The following PRKAG2 variants were observed in gnomAD, a reference collection of about 807,000 sequenced individuals.
PRKAG2 encodes the protein protein kinase AMP-activated non-catalytic subunit gamma 2.
PRKAG2 carries 26 observed loss-of-function variants against 69.6 expected under a neutral mutation model. The observed-to-expected ratio is 0.37, with a 90% CI of 0.27 to 0.52. The LOEUF (loss-of-function observed/expected upper bound fraction) is 0.52. Among genes scored for constraint, PRKAG2 ranks in the 20% least tolerant of loss-of-function variants. The probability of loss-of-function intolerance (pLI) is 0.90; values close to 1 mark genes in which losing one functional copy is unlikely to be tolerated. For missense variants in PRKAG2, 557 were observed against 740.0 expected (o/e 0.75, Z 2.87); for synonymous variants, 293 against 285.0 (o/e 1.03, Z -0.28).
chr7:151,759,839 G>A (rs745786519), intron 3 of PRKAG2, among the ~76,000 whole-genome samples: 48 of 152,236 alleles, frequency 3.2e-4, no homozygotes, highest in African/African-American at 6.5e-4. Context: ...CTTTTTCTAC[G>A]AGTGAACTCA....
chr7:151,727,215 CA>C (rs57353138), intron 3 of PRKAG2, among the ~76,000 whole-genome samples: 40,875 of 145,440 alleles, frequency 0.28, 5,724 homozygotes, highest in East Asian at 0.43. Flanking sequence ...AACTCAGTCT[CA>C]AAAAAAAAAA....
chr7:151,653,139 C>T (rs1269757328), intron 4 of PRKAG2, among the ~76,000 whole-genome samples: 1 of 148,826 alleles, frequency 6.7e-6, no homozygotes, highest in African/African-American at 2.6e-5. Context: ...GAGCCTAGTA[C>T]AGCTATAATC....
chr7:151,636,021 T>G (rs1209672602), intron 4 of PRKAG2, among the ~76,000 whole-genome samples: 2 of 146,028 alleles, frequency 1.4e-5, no homozygotes, highest in Admixed American at 6.7e-5. Context: ...GCTAATTTTT[T>G]GTATTTTTTT....
chr7:151,808,084 C>T (rs1235170771), intron 1 of PRKAG2, among the ~76,000 whole-genome samples: 6 of 152,158 alleles, frequency 3.9e-5, no homozygotes, highest in Non-Finnish European at 7.4e-5. Flanking sequence ...CCACAGCGGG[C>T]GGGGCTCCCC....
chr7:151,759,482 T>C (rs980261877), intron 3 of PRKAG2, among the ~76,000 whole-genome samples: 1 of 152,200 alleles, frequency 6.6e-6, no homozygotes, highest in Non-Finnish European at 1.5e-5. Context: ...GCCCAGCACT[T>C]AGCAGGTTCT....
chr7:151,619,768 CT>C (rs1390117239), intron 5 of PRKAG2, among the ~76,000 whole-genome samples: 1 of 152,128 alleles, frequency 6.6e-6, no homozygotes, highest in African/African-American at 2.4e-5. Context: ...CTGTGAAATC[CT>C]AGCACTTTGG....
At chr7:151,658,365 A>C (rs1829809352) in intron 4 of PRKAG2, among the ~76,000 whole-genome samples, 1 of 146,898 alleles carries the variant, frequency 6.8e-6, no homozygotes, top group Non-Finnish European at 1.5e-5. Context: ...CGTGCCCGTA[A>C]TCCCAGCTAC....
chr7:151,587,172 C>T (rs1230892189), intron 6 of PRKAG2, among the ~76,000 whole-genome samples: 1 of 152,198 alleles, frequency 6.6e-6, no homozygotes, highest in African/African-American at 2.4e-5. Flanking sequence ...CAAACAGCCA[C>T]TTATTTGGAT....
At chr7:151,796,963 C>G (rs556178833) in intron 1 of PRKAG2, among the ~76,000 whole-genome samples, 2 of 152,112 alleles carry the variant, frequency 1.3e-5, no homozygotes, top group Non-Finnish European at 2.9e-5. Flanking sequence ...TTTATTGGCT[C>G]GCAAATAAAA....
At chr7:151,669,123 A>G (rs963375258) in intron 4 of PRKAG2, among the ~76,000 whole-genome samples, 1 of 151,926 alleles carries the variant, frequency 6.6e-6, no homozygotes, top group African/African-American at 2.4e-5. Flanking sequence ...TTTCTCTCCA[A>G]TCTTTAATTT....
chr7:151,821,357 T>C (rs1036806395), intron 1 of PRKAG2, among the ~76,000 whole-genome samples: 2 of 152,176 alleles, frequency 1.3e-5, no homozygotes, highest in African/African-American at 4.8e-5. Flanking sequence ...CAACTCGATC[T>C]TTCTTTTAAG....
intron 1 of PRKAG2, among the ~76,000 whole-genome samples, chr7:151,875,497 C>A (rs1348029860): frequency 1.3e-5 from 2 of 152,088 alleles, no homozygotes; most frequent in African/African-American, 4.8e-5. Flanking sequence ...GTCCGGACAG[C>A]CCATTCACTG....
intron 1 of PRKAG2, among the ~76,000 whole-genome samples, chr7:151,860,850 C>G (rs1040973409): frequency 1.3e-5 from 2 of 152,154 alleles, no homozygotes; most frequent in Non-Finnish European, 2.9e-5. Flanking sequence ...ATGCCATGAC[C>G]CTACTGGGGT....
At chr7:151,873,600 C>A (rs1039934740) in intron 1 of PRKAG2, among the ~76,000 whole-genome samples, 1 of 152,176 alleles carries the variant, frequency 6.6e-6, no homozygotes, top group African/African-American at 2.4e-5. Flanking sequence ...CACGTGGTCA[C>A]CCTCAGCCAC....
intron 5 of PRKAG2, among the ~76,000 whole-genome samples, chr7:151,624,167 T>C (rs879462444): frequency 5.0e-5 from 7 of 140,314 alleles, no homozygotes; most frequent in Non-Finnish European, 1.1e-4. Context: ...TGTGTGTGTG[T>C]ACATATATAT....
At chr7:151,806,252 TG>T (rs1289110808) in intron 1 of PRKAG2, among the ~76,000 whole-genome samples, 1 of 152,216 alleles carries the variant, frequency 6.6e-6, no homozygotes, top group African/African-American at 2.4e-5. Flanking sequence ...TCAAGCCTTT[TG>T]GGGTGCTCTT....
At chr7:151,572,206 G>A (rs1807736218) in intron 9 of PRKAG2, among the ~76,000 whole-genome samples, 1 of 152,124 alleles carries the variant, frequency 6.6e-6, no homozygotes, top group Admixed American at 6.5e-5. Flanking sequence ...CTAGTTTGAG[G>A]TTCATTTGTC....
chr7:151,603,005 G>A (rs1816494962), intron 5 of PRKAG2, among the ~76,000 whole-genome samples: 1 of 152,194 alleles, frequency 6.6e-6, no homozygotes, highest in Non-Finnish European at 1.5e-5. Flanking sequence ...CCCAGTCTCA[G>A]GTAGCCTATT....
At chr7:151,558,211 T>C in intron 15 of PRKAG2, 1 of 985,470 alleles carries the variant, frequency 1.0e-6, no homozygotes, top group Non-Finnish European at 1.2e-6. Flanking sequence ...AAAGTGTTAT[T>C]GTGTTGAACC....
Sources: gnomAD v4.1 joint callset for allele counts (sites outside exome capture counted in the v4.1 genomes callset) on GRCh38, gnomAD v4.1.1 for gene constraint, MANE v1.5 for transcripts, NCBI Gene and HGNC (gene_info 2026-07-23, HGNC 2026-07-21) for gene names.